XXYLT1: variants seen among roughly 807,000 people sequenced by gnomAD.
XXYLT1 encodes xyloside xylosyltransferase 1.
In XXYLT1, 20 loss-of-function variants were observed where a neutral mutation model predicts 28.9. The ratio of observed to expected loss-of-function variants is 0.69; its 90% CI spans 0.49 to 1.00. XXYLT1 has a LOEUF of 1.00. XXYLT1 is among the 50% of genes least tolerant of loss of function. XXYLT1 has a pLI of 0.00. For missense variants in XXYLT1, 542 were observed against 560.1 expected (o/e 0.97, Z 0.33); for synonymous variants, 257 against 253.8 (o/e 1.01, Z -0.12).
intron 3 of XXYLT1, among the ~76,000 whole-genome samples, chr3:195,108,352 C>T (rs1177179427): frequency 1.3e-5 from 2 of 152,214 alleles, no homozygotes; most frequent in Non-Finnish European, 2.9e-5. Context: ...GCCTTTGACT[C>T]TTATCAAACT....
intron 3 of XXYLT1, among the ~76,000 whole-genome samples, chr3:195,070,372 G>A (rs1004037637): frequency 1.6e-4 from 24 of 151,934 alleles, no homozygotes; most frequent in Admixed American, 9.2e-4. Flanking sequence ...TGTACCAGGC[G>A]CCATACTAGA....
chr3:195,219,156 G>T (rs1483793407), intron 2 of XXYLT1, among the ~76,000 whole-genome samples: 1 of 150,204 alleles, frequency 6.7e-6, no homozygotes, highest in Non-Finnish European at 1.5e-5. Context: ...CACACTCTGG[G>T]GACTGTTGTG....
chr3:195,090,922 C>CA (rs1456256199), intron 3 of XXYLT1, among the ~76,000 whole-genome samples: 53 of 151,770 alleles, frequency 3.5e-4, no homozygotes, highest in Middle Eastern at 3.4e-3. Flanking sequence ...AACTAGAAAA[C>CA]CTAGAAGAAA....
intron 2 of XXYLT1, among the ~76,000 whole-genome samples, chr3:195,158,610 G>A (rs963521965): frequency 7.9e-5 from 12 of 152,178 alleles, no homozygotes; most frequent in Admixed American, 2.0e-4. Flanking sequence ...ACCAGGTGAG[G>A]TCCACCGACT....
At chr3:195,247,446 C>A (rs181532704) in intron 1 of XXYLT1, among the ~76,000 whole-genome samples, 106 of 152,390 alleles carry the variant, frequency 7.0e-4, no homozygotes, top group Middle Eastern at 3.4e-3. Context: ...TTCTGTCCCG[C>A]AGGCAGGAAG....
At chr3:195,181,254 GCTGTGTAT>G (rs58156780) in intron 2 of XXYLT1, among the ~76,000 whole-genome samples, 20,714 of 145,530 alleles carry the variant, frequency 0.14, 2,208 homozygotes, top group African/African-American at 0.35. Context: ...TTTCACACTG[GCTGTGTAT>G]CTGCGTGGCT....
rs1227932034 is a variant in XXYLT1, at chr3:195,257,487, G to A, written c.504+13068C>T. On this transcript the variant is annotated intron_variant, in intron 1 of 3. Coordinates refer to ENST00000310380, the MANE Select transcript of XXYLT1 (RefSeq NM_152531.5). This position sits in a 1 kb window ranked among gnomAD's most constrained non-coding sequence, Gnocchi z 4.3. ...ATCATGAAAGGCGAGTTAATCAGAT[G>A]AAGATGGGAGGAATGGGTGATCCGG... Among the ~76,000 whole-genome samples the A allele has an allele frequency of 3.9e-5, 6 of 152,192 alleles. No individual in the cohort carries two copies. Among genetic ancestry groups the A allele is most frequent in the African/African-American group, 1.2e-4 (5 of 41,452 alleles).
At chr3:195,082,263 C>T (rs1215958437) in intron 3 of XXYLT1, among the ~76,000 whole-genome samples, 2 of 152,066 alleles carry the variant, frequency 1.3e-5, no homozygotes, top group Non-Finnish European at 2.9e-5. Flanking sequence ...TTAGGTTTGT[C>T]CTATTTGGGT....
At chr3:195,201,244 A>G (rs1029507850) in intron 2 of XXYLT1, among the ~76,000 whole-genome samples, 3 of 152,092 alleles carry the variant, frequency 2.0e-5, no homozygotes, top group African/African-American at 7.2e-5. Flanking sequence ...CTGCCTTTTA[A>G]ATCAGTAGCT....
intron 1 of XXYLT1, among the ~76,000 whole-genome samples, chr3:195,236,439 T>C (rs1457836281): frequency 1.3e-5 from 2 of 152,008 alleles, no homozygotes; most frequent in Admixed American, 6.5e-5. Flanking sequence ...GCCCAAGGAC[T>C]CTTTAGTCAG....
At chr3:195,235,094 T>G (rs761219602) in intron 1 of XXYLT1, among the ~76,000 whole-genome samples, 4 of 152,064 alleles carry the variant, frequency 2.6e-5, no homozygotes, top group Admixed American at 6.6e-5. Flanking sequence ...TTGCTTGCTT[T>G]CTTTTCTCGC....
chr3:195,216,346 C>A (rs1458049400), intron 2 of XXYLT1, among the ~76,000 whole-genome samples: 1 of 145,954 alleles, frequency 6.9e-6, no homozygotes, highest in African/African-American at 2.5e-5. Context: ...ACACAAAAAA[C>A]CCTTCAAAAA....
At chr3:195,199,775 T>C (rs1471905980) in intron 2 of XXYLT1, among the ~76,000 whole-genome samples, 2 of 152,174 alleles carry the variant, frequency 1.3e-5, no homozygotes, top group Non-Finnish European at 2.9e-5. Flanking sequence ...CGCAGTGCAC[T>C]TGTGTTGGGC....
chr3:195,116,218 T>TGACA (rs1179400939), intron 3 of XXYLT1, among the ~76,000 whole-genome samples: 4 of 152,190 alleles, frequency 2.6e-5, no homozygotes. Flanking sequence ...CTGGATCTAC[T>TGACA]GACACATCTA....
chr3:195,078,081 C>T lies in XXYLT1; in HGVS notation c.786-7970G>A, dbSNP rs1410223981. Among the ~76,000 whole-genome samples, 3 of 152,238 alleles carry T rather than the reference C, an allele frequency of 2.0e-5. No individual in the cohort carries two copies. The highest frequency in any genetic ancestry group is 3.9e-4 in the East Asian group (2 of 5,160). ...CTTTAAGCCTGGATCCCTACTCAGACGGCGGAGCCAGAAACAGCCATGGCG... is the reference window on the plus strand; with the variant it reads ...CTTTAAGCCTGGATCCCTACTCAGATGGCGGAGCCAGAAACAGCCATGGCG... On this transcript the variant is annotated intron_variant, in intron 3 of 3. Coordinates refer to ENST00000310380, the MANE Select transcript of XXYLT1 (RefSeq NM_152531.5). This position sits in a 1 kb window ranked among gnomAD's most constrained non-coding sequence, Gnocchi z 5.0.
At chr3:195,260,493 C>T (rs937306240) in intron 1 of XXYLT1, among the ~76,000 whole-genome samples, 4 of 152,254 alleles carry the variant, frequency 2.6e-5, no homozygotes, top group Non-Finnish European at 5.9e-5. Context: ...CAGCCCCGGA[C>T]ACCGCGCGGA....
At chr3:195,162,686 C>T (rs1213690632) in intron 2 of XXYLT1, among the ~76,000 whole-genome samples, 1 of 152,254 alleles carries the variant, frequency 6.6e-6, no homozygotes, top group East Asian at 1.9e-4. Flanking sequence ...TCTCCTTCCT[C>T]ATCCTTAGCA....
rs1297542412 is a variant in XXYLT1 at position 195,150,933 on chromosome 3, C to G, written c.785+5516G>C. 6.7e-6 allele frequency among the ~76,000 whole-genome samples: 1 copy of G among 149,114 alleles called. No individual in the cohort carries two copies. The highest frequency in any genetic ancestry group is 1.5e-5 in the Non-Finnish European group (1 of 67,254). On this transcript the variant is annotated intron_variant, in intron 3 of 3. Coordinates refer to ENST00000310380, the MANE Select transcript of XXYLT1 (RefSeq NM_152531.5). This position sits in a 1 kb window ranked among gnomAD's most constrained non-coding sequence, Gnocchi z 4.7. ...TCCAGGGTCAGCAGGAGCCCTGAAG[C>G]CTGAAGCCAAGCCATGACCAGGCCT...
chr3:195,248,643 C>A (rs549079722), intron 1 of XXYLT1, among the ~76,000 whole-genome samples: 1 of 152,186 alleles, frequency 6.6e-6, no homozygotes, highest in Non-Finnish European at 1.5e-5. Context: ...CTTGGCCAGG[C>A]GCAGTGGCTC....
Sources: gnomAD v4.1 joint callset for allele counts (sites outside exome capture counted in the v4.1 genomes callset) on GRCh38, gnomAD v4.1.1 for gene constraint, Gnocchi (gnomAD v3.1) non-coding constraint, MANE v1.5 for transcripts, NCBI Gene and HGNC (gene_info 2026-07-23, HGNC 2026-07-21) for gene names.